The following MCPH1 variants were observed in gnomAD, a reference collection of about 807,000 sequenced individuals.
MCPH1 encodes microcephalin 1.
Under a neutral mutation model 84.5 loss-of-function variants are expected in MCPH1, and 104 were observed. The ratio of observed to expected loss-of-function variants is 1.23; its 90% CI spans 1.05 to 1.45. The LOEUF (loss-of-function observed/expected upper bound fraction) is 1.45. Ranked by LOEUF, MCPH1 falls within the 40% of genes most tolerant of loss-of-function variation. The pLI is 0.00. For missense variants in MCPH1, 1,498 were observed against 1,005.7 expected (o/e 1.49, Z -6.62); for synonymous variants, 514 against 366.8 (o/e 1.40, Z -4.58).
intron 12 of MCPH1, among the ~76,000 whole-genome samples, chr8:6,541,373 C>T (rs550075637): frequency 6.6e-6 from 1 of 152,220 alleles, no homozygotes; most frequent in South Asian, 2.1e-4. Flanking sequence ...GGAAGGGGAG[C>T]TTGTATTTAT....
At chr8:6,534,636 A>C (rs1820173014) in intron 12 of MCPH1, among the ~76,000 whole-genome samples, 1 of 152,176 alleles carries the variant, frequency 6.6e-6, no homozygotes, top group African/African-American at 2.4e-5. Context: ...AAGTATTAAA[A>C]AATTTTTAAA....
intron 11 of MCPH1, among the ~76,000 whole-genome samples, chr8:6,499,500 A>G (rs1461522177): frequency 2.6e-5 from 4 of 152,296 alleles, no homozygotes; most frequent in African/African-American, 9.6e-5. Flanking sequence ...AGTCTGGAAT[A>G]TTTACAGAGG....
chr8:6,584,264 G>C (rs942851858), intron 12 of MCPH1, among the ~76,000 whole-genome samples: 1 of 152,168 alleles, frequency 6.6e-6, no homozygotes, highest in African/African-American at 2.4e-5. Flanking sequence ...ATCTGGTGCA[G>C]CTACCCGTCT....
chr8:6,594,298 G>C (rs1828749246), intron 12 of MCPH1, among the ~76,000 whole-genome samples: 1 of 152,224 alleles, frequency 6.6e-6, no homozygotes, highest in South Asian at 2.1e-4. Flanking sequence ...AGCCGGGTGA[G>C]AGTGGAATGA....
At chr8:6,432,709 A>T (rs538087509) in intron 4 of MCPH1, among the ~76,000 whole-genome samples, 1 of 152,324 alleles carries the variant, frequency 6.6e-6, no homozygotes, top group South Asian at 2.1e-4. Flanking sequence ...AAAATAGTAA[A>T]TGATATTTCT....
chr8:6,409,224 G>C (rs1283806086), intron 1 of MCPH1, 55 bp from the exon 2 acceptor site: 5 of 1,399,846 alleles, frequency 3.6e-6, no homozygotes, highest in East Asian at 2.3e-5. Context: ...AAATCTATTG[G>C]GCAGGGGATG....
At chr8:6,509,719 A>G (rs1035845333) in intron 12 of MCPH1, among the ~76,000 whole-genome samples, 6 of 152,186 alleles carry the variant, frequency 3.9e-5, no homozygotes, top group African/African-American at 1.4e-4. Context: ...TTCTGTTGAA[A>G]ATGTTGTATA....
intron 12 of MCPH1, among the ~76,000 whole-genome samples, chr8:6,555,216 T>C (rs1824380084): frequency 6.6e-6 from 1 of 152,130 alleles, no homozygotes; most frequent in Non-Finnish European, 1.5e-5. Flanking sequence ...ATCCAGTCTG[T>C]AGAATGTGAG....
intron 9 of MCPH1, among the ~76,000 whole-genome samples, chr8:6,461,416 C>T (rs550566165): frequency 1.3e-5 from 2 of 151,488 alleles, no homozygotes; most frequent in African/African-American, 2.4e-5. Flanking sequence ...ACCTCCACCC[C>T]ACCAGGTTCA....
chr8:6,514,165 G>T (rs1024379134), intron 12 of MCPH1, among the ~76,000 whole-genome samples: 1 of 152,106 alleles, frequency 6.6e-6, no homozygotes, highest in African/African-American at 2.4e-5. Context: ...AAAAAATGCT[G>T]AGTCCACCTT....
chr8:6,474,180 C>G lies in MCPH1; in HGVS notation c.1936-3414C>G, dbSNP rs59950038. The G allele has an allele frequency of 5.3e-3, 3,837 of 729,460 alleles. 106 individuals are homozygous for G. The African/African-American group carries it at 0.059, about 11-fold the overall frequency. The allele number at this position is 729,460 out of a possible 1,614,324, so 45.2% of individuals were successfully genotyped here. On this transcript the variant is annotated intron_variant, in intron 9 of 13. Coordinates refer to ENST00000344683, the MANE Select transcript of MCPH1 (RefSeq NM_024596.5). The stretch of plus-strand genomic sequence containing the variant: ...ATTTGGTTATCTAACTCATCAGCTA[C>G]TCTGTCTTCATCTAAAATGGGACAA...
intron 9 of MCPH1, among the ~76,000 whole-genome samples, chr8:6,469,506 A>C (rs1371767511): frequency 6.6e-6 from 1 of 152,172 alleles, no homozygotes; most frequent in African/African-American, 2.4e-5. Flanking sequence ...TTTCCTCTAT[A>C]GTCAAAATTT....
At chr8:6,496,397 C>T (rs940368250) in intron 11 of MCPH1, among the ~76,000 whole-genome samples, 1 of 152,200 alleles carries the variant, frequency 6.6e-6, no homozygotes, top group East Asian at 1.9e-4. Flanking sequence ...TCACCCACCA[C>T]TCACCTCCTG....
intron 12 of MCPH1, among the ~76,000 whole-genome samples, chr8:6,527,337 C>A (rs2129570708): frequency 6.6e-6 from 1 of 152,274 alleles, no homozygotes; most frequent in South Asian, 2.1e-4. Flanking sequence ...CTTTAAGGGG[C>A]CAGGGAATGA....
rs139358597 is a variant in MCPH1 at position 6,488,196 on chromosome 8, C to T, written c.2136+7320C>T. On this transcript the variant is annotated intron_variant, in intron 11 of 13. Transcript: ENST00000344683. ...CCGCTGGGAGCATGGGAAGCAGGCG[C>T]TGCGGTCTAGGTCCTCCATCCCCCT... 3.8e-3 allele frequency among the ~76,000 whole-genome samples: 578 copies of T among 152,330 alleles called. 4 individuals are homozygous for T. The highest frequency in any genetic ancestry group is 0.031 in the East Asian group (159 of 5,178).
intron 12 of MCPH1, among the ~76,000 whole-genome samples, chr8:6,583,926 A>G (rs1586711101): frequency 7.1e-6 from 1 of 141,300 alleles, no homozygotes; most frequent in African/African-American, 2.7e-5. Context: ...CATTTTTACT[A>G]CTTTCAAGTG....
At chr8:6,477,367 A>G (rs1332743160) in intron 9 of MCPH1, 2 of 521,946 alleles carry the variant, frequency 3.8e-6, no homozygotes, top group East Asian at 6.4e-5. Context: ...TTGCTCTTGT[A>G]CCTCATGTCT....
At chr8:6,556,000 A>C (rs1203296759) in intron 12 of MCPH1, among the ~76,000 whole-genome samples, 1 of 152,142 alleles carries the variant, frequency 6.6e-6, no homozygotes, top group Non-Finnish European at 1.5e-5. Flanking sequence ...GAATCTGTCA[A>C]GTCTGCTGTG....
chr8:6,415,569 G>C (rs1231999680), intron 3 of MCPH1, among the ~76,000 whole-genome samples: 1 of 152,000 alleles, frequency 6.6e-6, no homozygotes, highest in South Asian at 2.1e-4. Flanking sequence ...GGCCAGGCTG[G>C]TTTCAAACTT....
Sources: allele counts gnomAD v4.1 joint callset (sites outside exome capture counted in the v4.1 genomes callset), GRCh38; gene constraint gnomAD v4.1.1; transcripts MANE v1.5; gene names NCBI Gene and HGNC (gene_info 2026-07-23, HGNC 2026-07-21).